Variants in CDYL2 observed in about 807,000 individuals in gnomAD.
The protein encoded by CDYL2 is chromodomain Y-like protein 2.
CDYL2 carries 23 observed loss-of-function variants against 49.4 expected under a neutral mutation model. That is an observed-to-expected ratio of 0.47 (90% CI 0.34 to 0.66). The LOEUF (loss-of-function observed/expected upper bound fraction) is 0.66. Among genes scored for constraint, CDYL2 ranks in the 30% least tolerant of loss-of-function variants. CDYL2 has a pLI of 0.01. For missense variants in CDYL2, 678 were observed against 656.4 expected, an observed-to-expected ratio of 1.03 and a Z score of -0.36; for synonymous variants, 360 against 268.8, an observed-to-expected ratio of 1.34 and a Z score of -3.32.
chr16:80,618,465 G>A (rs767093268), intron 4 of CDYL2, among the ~76,000 whole-genome samples: 4 of 152,176 alleles, frequency 2.6e-5, no homozygotes, highest in Non-Finnish European at 5.9e-5. Context: ...AGACACAAAT[G>A]CAGGGATAGG....
At chr16:80,672,155 T>A (rs1909537794) in intron 2 of CDYL2, among the ~76,000 whole-genome samples, 1 of 152,204 alleles carries the variant, frequency 6.6e-6, no homozygotes, top group Non-Finnish European at 1.5e-5. Context: ...GCATTTCAGA[T>A]TTTGGACTTG....
At chr16:80,787,164 G>C (rs1233506861) in intron 1 of CDYL2, among the ~76,000 whole-genome samples, 1 of 152,122 alleles carries the variant, frequency 6.6e-6, no homozygotes, top group Non-Finnish European at 1.5e-5. Context: ...ATGACAAAGA[G>C]GATATGCCGG....
At chr16:80,694,798 G>C (rs1476539045) in intron 1 of CDYL2, among the ~76,000 whole-genome samples, 1 of 152,070 alleles carries the variant, frequency 6.6e-6, no homozygotes, top group South Asian at 2.1e-4. Context: ...CCTAACTCTA[G>C]GGCTGGGACA....
chr16:80,699,061 G>C lies in CDYL2; in HGVS notation c.25-13932C>G, dbSNP rs540497672. On this transcript the variant is annotated intron_variant, in intron 1 of 6. Transcript: ENST00000570137. ...AAAGAGAACTTTATAAACTGTTGGT[G>C]GGAATGTAAATTAGTAAAGACATGG... Among the ~76,000 whole-genome samples, 34 of 152,188 alleles carry C rather than the reference G, an allele frequency of 2.2e-4. No homozygotes were observed. In the Middle Eastern group the frequency reaches 0.01, roughly 46 times the overall value.
intron 1 of CDYL2, among the ~76,000 whole-genome samples, chr16:80,787,500 T>C (rs1178222611): frequency 6.6e-6 from 1 of 152,132 alleles, no homozygotes; most frequent in African/African-American, 2.4e-5. Flanking sequence ...ATCTAAGACA[T>C]TCTGACCTCT....
intron 2 of CDYL2, among the ~76,000 whole-genome samples, chr16:80,654,115 G>A (rs919235835): frequency 6.6e-6 from 1 of 152,248 alleles, no homozygotes; most frequent in Non-Finnish European, 1.5e-5. Flanking sequence ...CTCAGCCGTG[G>A]TGATTTGGGG....
chr16:80,766,964 C>T (rs1203771526), intron 1 of CDYL2, among the ~76,000 whole-genome samples: 1 of 152,076 alleles, frequency 6.6e-6, no homozygotes, highest in Non-Finnish European at 1.5e-5. Context: ...TATTATTGCC[C>T]CCATTTTGCA....
intron 1 of CDYL2, among the ~76,000 whole-genome samples, chr16:80,723,849 G>C (rs1905080459): frequency 6.6e-6 from 1 of 151,736 alleles, no homozygotes; most frequent in Non-Finnish European, 1.5e-5. Flanking sequence ...ACAGAGGAGA[G>C]TGAGGAACAG....
chr16:80,677,933 A>G (rs532526755), intron 2 of CDYL2, among the ~76,000 whole-genome samples: 4,106 of 151,836 alleles, frequency 0.027, 90 homozygotes, highest in African/African-American at 0.057. Flanking sequence ...ATGGAACAGA[A>G]CAGAGCCCTC....
At chr16:80,632,907 C>T in intron 3 of CDYL2, 112 bp downstream of exon 3, 1 of 1,043,178 alleles carries the variant, frequency 9.6e-7, no homozygotes, top group South Asian at 1.5e-5. Flanking sequence ...TTTATGCACG[C>T]TAGTTACCAT....
chr16:80,710,314 G>A (rs1403174395), intron 1 of CDYL2, among the ~76,000 whole-genome samples: 1 of 152,126 alleles, frequency 6.6e-6, no homozygotes, highest in East Asian at 1.9e-4. Flanking sequence ...AATTTTTAGA[G>A]GAAGTACACA....
intron 1 of CDYL2, among the ~76,000 whole-genome samples, chr16:80,754,107 A>G (rs966968219): frequency 2.0e-4 from 30 of 152,130 alleles, no homozygotes; most frequent in Admixed American, 1.9e-3. Flanking sequence ...TTTAATCCCT[A>G]TTTTACAAGC....
intron 2 of CDYL2, among the ~76,000 whole-genome samples, chr16:80,650,150 G>C (rs1318486659): frequency 6.6e-6 from 1 of 152,014 alleles, no homozygotes; most frequent in Non-Finnish European, 1.5e-5. Context: ...CTTCCACACA[G>C]CAAAGGAAAC....
Position 80,704,579 on chromosome 16 carries a change from C to G in CDYL2, c.25-19450G>C, listed in dbSNP as rs530055682. Among the ~76,000 whole-genome samples the G allele has an allele frequency of 4.3e-4, 65 of 152,312 alleles. 1 individual carries two copies. The highest frequency in any genetic ancestry group is 1.0e-3 in the South Asian group (5 of 4,832). On this transcript the variant is annotated intron_variant, in intron 1 of 6. Coordinates refer to ENST00000570137, the MANE Select transcript of CDYL2 (RefSeq NM_152342.4). ...GAAAGACGTTCACCACCGGTGTGTA[C>G]AAGGTAGCCAACCTGGTCTTGGCAG...
chr16:80,797,004 T>A (rs1432495171), intron 1 of CDYL2, among the ~76,000 whole-genome samples: 2 of 152,178 alleles, frequency 1.3e-5, no homozygotes, highest in Non-Finnish European at 2.9e-5. Context: ...AACACCTCTT[T>A]TTTTTCTACC....
intron 1 of CDYL2, among the ~76,000 whole-genome samples, chr16:80,746,104 C>A (rs973241184): frequency 6.6e-6 from 1 of 152,110 alleles, no homozygotes; most frequent in Non-Finnish European, 1.5e-5. Context: ...GCTCTGTTCC[C>A]GAGACCTTCC....
chr16:80,634,675 G>T (rs1907736350), intron 2 of CDYL2, among the ~76,000 whole-genome samples: 1 of 152,064 alleles, frequency 6.6e-6, no homozygotes, highest in South Asian at 2.1e-4. Context: ...GGATAATAAA[G>T]AAATACTAAG....
chr16:80,684,743 G>A lies in CDYL2; in HGVS notation c.411C>T (p.Tyr137=), dbSNP rs754556263. The change falls in exon 2 of 7, where the codon TAC becomes TAT. Residue 137 remains tyrosine, a synonymous_variant. Transcript: ENST00000570137. The part of the protein sequence containing the change: ...GGDRATKTVS[Y]RTTPSGLQIM... Reference sequence around the variant, plus strand: ...TTTGCAAACCACTGGGGGTAGTCCTGTAAGACACCGTCTTGGTGGCCCTGT... The same window carrying A: ...TTTGCAAACCACTGGGGGTAGTCCTATAAGACACCGTCTTGGTGGCCCTGT... 4 of 1,614,034 alleles carry A rather than the reference G, an allele frequency of 2.5e-6. No homozygotes were observed. The highest frequency in any genetic ancestry group is 4.5e-5 in the East Asian group (2 of 44,892).
rs560644671 is a variant in CDYL2 at position 80,793,147 on chromosome 16, C to T, written c.24+11003G>A. Among the ~76,000 whole-genome samples the T allele has an allele frequency of 1.6e-4, 25 of 152,292 alleles. No individual in the cohort carries two copies. In the East Asian group the frequency reaches 2.1e-3, roughly 13 times the overall value. ...CTTCTCCAAGCAACCCAATCTAAAACGGACAGTATATCTCAAACTAGGCCA... is the reference window on the plus strand; with the variant it reads ...CTTCTCCAAGCAACCCAATCTAAAATGGACAGTATATCTCAAACTAGGCCA... On this transcript the variant is annotated intron_variant, in intron 1 of 6. Transcript: ENST00000570137.
Sources: gnomAD v4.1 joint callset for allele counts (sites outside exome capture counted in the v4.1 genomes callset) on GRCh38, gnomAD v4.1.1 for gene constraint, MANE v1.5 for transcripts, NCBI Gene and HGNC (gene_info 2026-07-23, HGNC 2026-07-21) for gene names.